Variants in FERRY3 observed in about 807,000 individuals in gnomAD.
FERRY3 encodes the protein protein C12orf4.
the FERRY3 span, among the ~76,000 whole-genome samples, chr12:4,491,720 CGTAA>C: frequency 1.6e-4 from 25 of 152,252 alleles, no homozygotes; most frequent in African/African-American, 3.9e-4. Context: ...CAAATATGGA[CGTAA>C]GTGTCACTGT....
chr12:4,527,563 A>G, the FERRY3 span, among the ~76,000 whole-genome samples: 5 of 152,170 alleles, frequency 3.3e-5, no homozygotes, highest in Admixed American at 2.0e-4. Context: ...TTAAAATGAA[A>G]TAAGAAAATG....
At chr12:4,536,274 C>T in the FERRY3 span, 3 of 969,392 alleles carry the variant, frequency 3.1e-6, no homozygotes, top group East Asian at 3.0e-5. Context: ...TTCATTATTG[C>T]TGTCCCATTT....
chr12:4,490,793 G>GT, the FERRY3 span, among the ~76,000 whole-genome samples: 1 of 152,254 alleles, frequency 6.6e-6, no homozygotes, highest in African/African-American at 2.4e-5. Context: ...GTTTAACAGA[G>GT]TTTTGTCAAC....
At chr12:4,505,146 G>A in the FERRY3 span, among the ~76,000 whole-genome samples, 11 of 152,148 alleles carry the variant, frequency 7.2e-5, no homozygotes, top group African/African-American at 1.9e-4. Flanking sequence ...ACTGGAAAAC[G>A]TCTGTGAAAG....
chr12:4,488,674 C>T, the FERRY3 span: 9 of 152,240 alleles, frequency 5.9e-5, no homozygotes, highest in East Asian at 1.9e-4. This position sits in a 1 kb window ranked among gnomAD's most constrained non-coding sequence, Gnocchi z 4.9. Flanking sequence ...TAATGAAGGG[C>T]GTTTTGTTTC....
the FERRY3 span, chr12:4,525,217 GACT>G: frequency 6.3e-7 from 1 of 1,590,042 alleles, no homozygotes; most frequent in African/African-American, 1.4e-5. Flanking sequence ...ACTAACAATG[GACT>G]ACTATATGAA....
At chr12:4,511,066 C>CA in the FERRY3 span, among the ~76,000 whole-genome samples, 1 of 146,434 alleles carries the variant, frequency 6.8e-6, no homozygotes. Flanking sequence ...AAATGGAAAA[C>CA]AAAAAAAGGC....
the FERRY3 span, among the ~76,000 whole-genome samples, chr12:4,509,924 G>T: frequency 9.6e-3 from 1,339 of 139,318 alleles, 74 homozygotes; most frequent in African/African-American, 0.038. Context: ...CTGAGAGAAG[G>T]CTTCAGACGA....
At chr12:4,503,827 A>G in the FERRY3 span, among the ~76,000 whole-genome samples, 2 of 152,162 alleles carry the variant, frequency 1.3e-5, no homozygotes, top group Non-Finnish European at 2.9e-5. Context: ...TTTTTCCAAA[A>G]AAGACTAAGG....
chr12:4,525,069 T>C, the FERRY3 span: 2 of 640,466 alleles, frequency 3.1e-6, no homozygotes, highest in Admixed American at 3.3e-5. Flanking sequence ...CCAATAACCA[T>C]TGCCCCCCAA....
At chr12:4,505,713 T>C in the FERRY3 span, among the ~76,000 whole-genome samples, 1 of 152,216 alleles carries the variant, frequency 6.6e-6, no homozygotes, top group East Asian at 1.9e-4. Flanking sequence ...CCTATGGTAT[T>C]ACCCATATTA....
the FERRY3 span, among the ~76,000 whole-genome samples, chr12:4,507,845 G>A: frequency 6.6e-6 from 1 of 152,104 alleles, no homozygotes; most frequent in African/African-American, 2.4e-5. Flanking sequence ...AGGAAAATAA[G>A]TACACACATA....
chr12:4,527,375 G>A, the FERRY3 span, among the ~76,000 whole-genome samples: 4 of 152,030 alleles, frequency 2.6e-5, no homozygotes, highest in Non-Finnish European at 5.9e-5. Context: ...GATTAAGATA[G>A]AAGAAAATTT....
chr12:4,529,687 A>G, the FERRY3 span, among the ~76,000 whole-genome samples: 19 of 152,332 alleles, frequency 1.2e-4, no homozygotes, highest in East Asian at 3.5e-3. Flanking sequence ...GAAGGTATAT[A>G]AACCTATGAG....
At chr12:4,500,131 T>G in the FERRY3 span, 2 of 1,606,004 alleles carry the variant, frequency 1.2e-6, no homozygotes, top group Non-Finnish European at 1.7e-6. Flanking sequence ...TTTTTCTATC[T>G]GCTTACCTCT....
chr12:4,514,201 T>A, the FERRY3 span, among the ~76,000 whole-genome samples: 46 of 150,956 alleles, frequency 3.0e-4, 1 homozygote, highest in Admixed American at 3.0e-3. Flanking sequence ...TGAGATACCA[T>A]CTCACACCAG....
At chr12:4,505,945 A>C in the FERRY3 span, among the ~76,000 whole-genome samples, 2 of 152,162 alleles carry the variant, frequency 1.3e-5, no homozygotes, top group South Asian at 4.1e-4. Context: ...ACCTGACGCT[A>C]TATACAATTA....
the FERRY3 span, among the ~76,000 whole-genome samples, chr12:4,505,556 T>A: frequency 2.0e-5 from 3 of 152,346 alleles, no homozygotes; most frequent in African/African-American, 7.2e-5. Context: ...AAAACCTCTA[T>A]AACCACAGCC....
At chr12:4,522,531 T>G in the FERRY3 span, among the ~76,000 whole-genome samples, 1 of 152,226 alleles carries the variant, frequency 6.6e-6, no homozygotes, top group African/African-American at 2.4e-5. Context: ...CTGATGAAGA[T>G]ATGGAACACC....
Sources: allele counts gnomAD v4.1 joint callset (sites outside exome capture counted in the v4.1 genomes callset), GRCh38; gene constraint gnomAD v4.1.1; non-coding constraint Gnocchi (gnomAD v3.1); transcripts MANE v1.5; gene names NCBI Gene and HGNC (gene_info 2026-07-23, HGNC 2026-07-21).